CCDC169: variants seen among roughly 807,000 people sequenced by gnomAD.
The protein encoded by CCDC169 is coiled-coil domain containing 169, also known as coiled-coil domain-containing protein 169.
In CCDC169, 30 loss-of-function variants were observed where a neutral mutation model predicts 36.0. That is an observed-to-expected ratio of 0.83 (90% CI 0.62 to 1.13). CCDC169 has a LOEUF of 1.13. Among genes scored for constraint, CCDC169 ranks in the 50% most tolerant of loss-of-function variants. The probability of loss-of-function intolerance (pLI) is 0.00; values close to 1 mark genes in which losing one functional copy is unlikely to be tolerated. For missense variants in CCDC169, 245 were observed against 245.9 expected, an observed-to-expected ratio of 1.00 and a Z score of 0.03; for synonymous variants, 85 against 81.5, an observed-to-expected ratio of 1.04 and a Z score of -0.23.
intron 4 of CCDC169, among the ~76,000 whole-genome samples, chr13:36,279,448 G>T (rs1208354393): frequency 6.6e-6 from 1 of 152,116 alleles, no homozygotes; most frequent in Non-Finnish European, 1.5e-5. Context: ...ATAATAATTT[G>T]AAAATCTACC....
At chr13:36,223,363 C>T (rs548088158), downstream of CCDC169, 10 of 152,200 alleles carry the variant, frequency 6.6e-5, no homozygotes, top group South Asian at 4.1e-4. Flanking sequence ...GCAATTTCAA[C>T]GATGATAAAC....
At chr13:36,262,657 A>C (rs1409736523) in intron 4 of CCDC169, among the ~76,000 whole-genome samples, 1 of 152,160 alleles carries the variant, frequency 6.6e-6, no homozygotes, top group Admixed American at 6.5e-5. Context: ...TATATACTGG[A>C]TAGCCCAGCA....
chr13:36,251,327 A>G (rs1319160640), intron 6 of CCDC169, among the ~76,000 whole-genome samples: 4 of 152,236 alleles, frequency 2.6e-5, no homozygotes, highest in Non-Finnish European at 5.9e-5. Flanking sequence ...CCACATGGTT[A>G]GAACTGTCCT....
chr13:36,281,255 T>C (rs1594077263), intron 4 of CCDC169: 1 of 450,326 alleles, frequency 2.2e-6, no homozygotes, highest in East Asian at 7.2e-5. Flanking sequence ...GCAAACCTCA[T>C]ACTTTCTGTC....
chr13:36,223,478 T>C (rs1429518894), downstream of CCDC169: 1 of 152,222 alleles, frequency 6.6e-6, no homozygotes, highest in African/African-American at 2.4e-5. Context: ...TTCAAGATTT[T>C]TCTAATTCAT....
downstream of CCDC169, chr13:36,227,191 T>C (rs1043145227): frequency 7.4e-6 from 11 of 1,495,488 alleles, no homozygotes; most frequent in Non-Finnish European, 8.1e-6. Context: ...CATGTCTGAG[T>C]ATTTTACTTT....
chr13:36,295,957 T>C, intron 1 of CCDC169, 100 bp from the exon 2 acceptor site: 1 of 656,960 alleles, frequency 1.5e-6, no homozygotes, highest in South Asian at 2.2e-5. Context: ...CAATTTACTA[T>C]GACACATTAT....
At chr13:36,255,878 C>A (rs936659850) in intron 4 of CCDC169, among the ~76,000 whole-genome samples, 4 of 152,170 alleles carry the variant, frequency 2.6e-5, no homozygotes, top group Non-Finnish European at 4.4e-5. Flanking sequence ...CCTGCTTCCC[C>A]AATCCCCATT....
rs568772623 is a variant in CCDC169 at position 36,233,021 on chromosome 13, G to A, written c.546-1729C>T. 2.6e-5 allele frequency among the ~76,000 whole-genome samples: 4 copies of A among 152,310 alleles called. No individual in the cohort carries two copies. The South Asian group carries it at 8.3e-4, about 32-fold the overall frequency. ...CAGGAAAGGCCTGAAAAGGCCCTAA[G>A]CTCTTGCCTCTGGCTGACCTTGAGG... is the stretch of plus-strand genomic sequence containing the variant. On this transcript the variant is annotated intron_variant, in intron 7 of 7. Coordinates refer to ENST00000239859, the MANE Select transcript of CCDC169 (RefSeq NM_001144981.3).
At chr13:36,247,489 G>A (rs1872653007) in intron 7 of CCDC169, among the ~76,000 whole-genome samples, 1 of 151,846 alleles carries the variant, frequency 6.6e-6, no homozygotes, top group Non-Finnish European at 1.5e-5. Context: ...TATGGGAGGA[G>A]GTAGAAAAAT....
chr13:36,250,921 C>T (rs565066167), intron 6 of CCDC169, among the ~76,000 whole-genome samples: 1 of 152,314 alleles, frequency 6.6e-6, no homozygotes, highest in African/African-American at 2.4e-5. Context: ...TATCTGTGAG[C>T]TAAAAGCATT....
At position 36,231,072 on chromosome 13, in the gene CCDC169, A is replaced by C; in HGVS notation, c.*121T>G. On this transcript the variant is annotated 3_prime_UTR_variant, in exon 8 of 8. Transcript: ENST00000239859. ...ACACGTCTGGAAAAGGAACTAAAGAAAAATGTGGCAGTTCTTATCTATTTT... is the reference window on the plus strand; with the variant it reads ...ACACGTCTGGAAAAGGAACTAAAGACAAATGTGGCAGTTCTTATCTATTTT... 1.4e-6 allele frequency: 2 copies of C among 1,431,378 alleles called. No individual in the cohort carries two copies. Among genetic ancestry groups the C allele is most frequent in the Non-Finnish European group, 1.8e-6 (2 of 1,096,786 alleles). 88.7% of individuals were successfully genotyped at this position (1,431,378 alleles called of 1,614,324 possible). A position where few individuals can be genotyped will look rare whatever the true frequency, so the allele number is the denominator to read the frequency against.
intron 4 of CCDC169, among the ~76,000 whole-genome samples, chr13:36,257,888 C>T (rs534145657): frequency 6.6e-6 from 1 of 151,876 alleles, no homozygotes; most frequent in South Asian, 2.1e-4. Context: ...CTCTTGACCT[C>T]CATATTCAGA....
chr13:36,244,389 A>G (rs1177864393), intron 7 of CCDC169: 3 of 152,222 alleles, frequency 2.0e-5, no homozygotes, highest in Non-Finnish European at 2.9e-5. Flanking sequence ...TCTGCTCCCA[A>G]TAGAAACATT....
intron 6 of CCDC169, among the ~76,000 whole-genome samples, 170 bp downstream of exon 6, chr13:36,253,633 C>A (rs1197762211): frequency 6.6e-6 from 1 of 152,122 alleles, no homozygotes; most frequent in East Asian, 1.9e-4. Context: ...CAGTGCCCAG[C>A]CCTTTTTATT....
chr13:36,289,502 C>T (rs753338298), intron 2 of CCDC169, among the ~76,000 whole-genome samples: 6 of 152,180 alleles, frequency 3.9e-5, no homozygotes, highest in Non-Finnish European at 8.8e-5. Context: ...TACTCATAAC[C>T]CTGAACACAT....
chr13:36,284,130 T>C (rs1192450314), intron 2 of CCDC169, among the ~76,000 whole-genome samples: 1 of 151,594 alleles, frequency 6.6e-6, no homozygotes. Flanking sequence ...TATTTCAAGT[T>C]CCAAGGAAAC....
chr13:36,257,178 T>C (rs1873998462), intron 4 of CCDC169, among the ~76,000 whole-genome samples: 1 of 152,154 alleles, frequency 6.6e-6, no homozygotes, highest in Non-Finnish European at 1.5e-5. Flanking sequence ...GAAAGTGACA[T>C]TACTTATGCA....
intron 4 of CCDC169, among the ~76,000 whole-genome samples, chr13:36,278,511 C>A (rs1307272220): frequency 2.0e-5 from 3 of 152,150 alleles, no homozygotes; most frequent in African/African-American, 7.2e-5. Context: ...TTTGCCTGAA[C>A]TCTGGACAAC....
Sources: gnomAD v4.1 joint callset for allele counts (sites outside exome capture counted in the v4.1 genomes callset) on GRCh38, gnomAD v4.1.1 for gene constraint, MANE v1.5 for transcripts, NCBI Gene and HGNC (gene_info 2026-07-23, HGNC 2026-07-21) for gene names.